MCMBP: variants seen among roughly 807,000 people sequenced by gnomAD.
MCMBP encodes the protein minichromosome maintenance complex binding protein.
A neutral mutation model predicts 81.3 loss-of-function variants in MCMBP; 31 were observed. The ratio of observed to expected loss-of-function variants is 0.38; its 90% CI spans 0.29 to 0.51. The LOEUF is 0.51. Ranked by LOEUF, MCMBP falls within the 20% of genes least tolerant of loss-of-function variation. MCMBP has a pLI of 0.87. For missense variants in MCMBP, 645 were observed against 772.1 expected (o/e 0.84, Z 1.95); for synonymous variants, 267 against 275.9 (o/e 0.97, Z 0.32).
intron 1 of MCMBP, among the ~76,000 whole-genome samples, chr10:119,867,843 T>C (rs964441462): frequency 1.3e-5 from 2 of 152,134 alleles, no homozygotes; most frequent in Non-Finnish European, 2.9e-5. Context: ...TTCAGTGGCC[T>C]ACCAAGGACA....
chr10:119,865,115 A>G (rs1853406961), intron 1 of MCMBP, among the ~76,000 whole-genome samples: 1 of 152,112 alleles, frequency 6.6e-6, no homozygotes, highest in Non-Finnish European at 1.5e-5. Context: ...CTGAGAGAGG[A>G]GTAGTAAAAT....
intron 2 of MCMBP, 106 bp downstream of exon 2, chr10:119,859,693 A>G: frequency 1.4e-6 from 1 of 696,740 alleles, no homozygotes; most frequent in East Asian, 2.7e-5. Context: ...GCAGAAGTAC[A>G]TTAATTTACA....
At chr10:119,857,245 T>C (rs1853086761) in intron 5 of MCMBP, 93 bp downstream of exon 5, 1 of 912,354 alleles carries the variant, frequency 1.1e-6, no homozygotes, top group Non-Finnish European at 1.7e-6. Context: ...ACACACTTTA[T>C]TAAAATAAAG....
intron 1 of MCMBP, among the ~76,000 whole-genome samples, chr10:119,863,412 T>C (rs142948497): frequency 3.3e-5 from 5 of 152,240 alleles, no homozygotes; most frequent in African/African-American, 1.2e-4. Context: ...CTTTTTCCAT[T>C]TGAATTAGCT....
chr10:119,859,350 T>C (rs1016484231), intron 2 of MCMBP, among the ~76,000 whole-genome samples, 169 bp from the exon 3 acceptor site: 7 of 151,998 alleles, frequency 4.6e-5, no homozygotes, highest in Non-Finnish European at 7.4e-5. Context: ...GTCAATATAA[T>C]TGCTGGAACC....
At chr10:119,873,040 A>G (rs901479914), upstream of MCMBP, among the ~76,000 whole-genome samples, 2 of 151,620 alleles carry the variant, frequency 1.3e-5, no homozygotes, top group South Asian at 4.2e-4. Context: ...GGGCCCGGCG[A>G]CGCGCTCCAA....
intron 12 of MCMBP, among the ~76,000 whole-genome samples, 167 bp downstream of exon 12, chr10:119,838,368 T>C (rs1243008203): frequency 2.0e-5 from 3 of 151,592 alleles, no homozygotes; most frequent in Non-Finnish European, 4.4e-5. Flanking sequence ...ATAGTTGGTG[T>C]ATATAATTAG....
intron 1 of MCMBP, among the ~76,000 whole-genome samples, chr10:119,871,788 A>T (rs1853683368): frequency 6.6e-6 from 1 of 152,232 alleles, no homozygotes; most frequent in Admixed American, 6.5e-5. Flanking sequence ...CAAAATGCCC[A>T]GTTAACGACA....
chr10:119,857,320 A>C lies in MCMBP; in HGVS notation c.429+18T>G. 6.4e-7 allele frequency: 1 copy of C among 1,552,498 alleles called. No homozygotes were observed. The highest frequency in any genetic ancestry group is 8.8e-7 in the Non-Finnish European group (1 of 1,130,868). ...TTAGAAACCATCAACACAGTAAGAA[A>C]GTTCAGATAAAGGATATTTCTTTTA... On this transcript the variant is annotated intron_variant, in intron 5 of 15. Coordinates refer to ENST00000369077, the MANE Select transcript of MCMBP (RefSeq NM_001256378.2).
At chr10:119,856,183 C>T (rs953918956) in intron 5 of MCMBP, among the ~76,000 whole-genome samples, 3 of 152,190 alleles carry the variant, frequency 2.0e-5, no homozygotes, top group Non-Finnish European at 4.4e-5. Context: ...GATCACGCTA[C>T]TGCACTTCAG....
At chr10:119,865,335 T>C (rs1853413993) in intron 1 of MCMBP, among the ~76,000 whole-genome samples, 1 of 152,202 alleles carries the variant, frequency 6.6e-6, no homozygotes, top group African/African-American at 2.4e-5. Flanking sequence ...CTTATGCCCG[T>C]AATCCCAGCA....
intron 1 of MCMBP, among the ~76,000 whole-genome samples, chr10:119,865,187 A>G (rs183823937): frequency 8.5e-5 from 13 of 152,360 alleles, no homozygotes; most frequent in Admixed American, 5.9e-4. Flanking sequence ...TTTGCATCAT[A>G]CATTTTGAAG....
chr10:119,863,385 T>C (rs11199106), intron 1 of MCMBP, among the ~76,000 whole-genome samples: 7,005 of 152,286 alleles, frequency 0.046, 223 homozygotes, highest in East Asian at 0.11. Context: ...GTTCATGTCT[T>C]TGATGAAAAG....
intron 12 of MCMBP, among the ~76,000 whole-genome samples, chr10:119,837,981 G>C (rs924498846): frequency 1.4e-4 from 21 of 151,816 alleles, no homozygotes; most frequent in Non-Finnish European, 1.5e-5. Context: ...AGATCAGCTG[G>C]GCAACATAGC....
Position 119,849,586 on chromosome 10 carries a change from A to G in MCMBP, c.575-10T>C. On this transcript the variant is annotated splice_polypyrimidine_tract_variant and intron_variant, in intron 6 of 15. Transcript: ENST00000369077. ...AGACCACCAACACTCCCTAAATTCAAAGGATAGCATTGCACTTAGTCATTT... is the reference window on the plus strand; with the variant it reads ...AGACCACCAACACTCCCTAAATTCAGAGGATAGCATTGCACTTAGTCATTT... 1 of 1,570,968 alleles carries G rather than the reference A, an allele frequency of 6.4e-7. No individual in the cohort carries two copies. The highest frequency in any genetic ancestry group is 8.6e-7 in the Non-Finnish European group (1 of 1,167,104).
In MCMBP at chr10:119,866,746, G is replaced by A. The variant is rs116592229; in HGVS notation, c.58+5781C>T. Among the ~76,000 whole-genome samples the A allele has an allele frequency of 1.7e-3, 259 of 151,790 alleles. 3 individuals are homozygous for A. Among genetic ancestry groups the A allele is most frequent in the African/African-American group, 5.9e-3 (245 of 41,376 alleles). ...TTTGTTATGTGAATTTTATTTCAAA[G>A]AAAAAAAATTTTTTTGGACCAGCCT... On this transcript the variant is annotated intron_variant, in intron 1 of 15. Coordinates refer to ENST00000369077, the MANE Select transcript of MCMBP (RefSeq NM_001256378.2).
At chr10:119,859,706 T>A in intron 2 of MCMBP, 93 bp downstream of exon 2, 1 of 770,408 alleles carries the variant, frequency 1.3e-6, no homozygotes, top group East Asian at 2.6e-5. Flanking sequence ...AATTTACATA[T>A]TTTTAAATTA....
chr10:119,864,594 A>T (rs1589800749), intron 1 of MCMBP, among the ~76,000 whole-genome samples: 1 of 132,958 alleles, frequency 7.5e-6, no homozygotes, highest in Non-Finnish European at 1.6e-5. Context: ...TTTTTTTTTT[A>T]AAGAGCTTTG....
chr10:119,841,991 G>T (rs959378529), intron 10 of MCMBP, among the ~76,000 whole-genome samples: 3 of 152,194 alleles, frequency 2.0e-5, no homozygotes, highest in Non-Finnish European at 4.4e-5. Context: ...AACATAGGAG[G>T]TGAGGGGTGG....
Sources: allele counts gnomAD v4.1 joint callset (sites outside exome capture counted in the v4.1 genomes callset), GRCh38; gene constraint gnomAD v4.1.1; transcripts MANE v1.5; gene names NCBI Gene and HGNC (gene_info 2026-07-23, HGNC 2026-07-21).